The following NDUFA10 variants were observed in gnomAD, a reference collection of about 807,000 sequenced individuals.
NDUFA10 encodes the protein NADH:ubiquinone oxidoreductase subunit A10.
A neutral mutation model predicts 47.8 loss-of-function variants in NDUFA10; 40 were observed. The observed-to-expected ratio is 0.84, with a 90% CI of 0.65 to 1.09. The LOEUF is 1.09. Ranked by LOEUF, NDUFA10 falls within the 50% of genes least tolerant of loss-of-function variation. NDUFA10 has a pLI of 0.00. For missense variants in NDUFA10, 413 were observed against 451.1 expected (o/e 0.92, Z 0.76); for synonymous variants, 183 against 172.2 (o/e 1.06, Z -0.49).
intron 9 of NDUFA10, among the ~76,000 whole-genome samples, chr2:239,965,593 G>A (rs557272337): frequency 2.0e-5 from 3 of 152,286 alleles, no homozygotes; most frequent in East Asian, 1.9e-4. Flanking sequence ...CACGGTGCCC[G>A]GGTGCGTGAC....
At chr2:239,990,822 A>G (rs1696214836) in intron 8 of NDUFA10, among the ~76,000 whole-genome samples, 2 of 152,210 alleles carry the variant, frequency 1.3e-5, no homozygotes, top group Admixed American at 1.3e-4. Context: ...ATACTTTGTT[A>G]CAATTTGCTT....
At chr2:239,932,610 C>T (rs11695542) in intron 4 of NDUFA10, among the ~76,000 whole-genome samples, 20,094 of 151,498 alleles carry the variant, frequency 0.13, 1,400 homozygotes, top group South Asian at 0.15. Flanking sequence ...GACGGAGTCT[C>T]GCTCTGTCGC....
intron 4 of NDUFA10, among the ~76,000 whole-genome samples, chr2:239,911,538 G>A (rs1008880639): frequency 1.3e-5 from 2 of 152,146 alleles, no homozygotes; most frequent in African/African-American, 2.4e-5. Context: ...GCCTTCCACT[G>A]GTTACTTCCT....
At chr2:239,946,696 C>T (rs952439433) in intron 4 of NDUFA10, among the ~76,000 whole-genome samples, 4 of 152,322 alleles carry the variant, frequency 2.6e-5, no homozygotes, top group South Asian at 4.1e-4. Flanking sequence ...GAGGCAGGAC[C>T]GAGGTTTTGT....
At chr2:239,904,482 T>A (rs939374607) in intron 4 of NDUFA10, among the ~76,000 whole-genome samples, 1 of 151,782 alleles carries the variant, frequency 6.6e-6, no homozygotes, top group Non-Finnish European at 1.5e-5. Flanking sequence ...TTTAGTAGAG[T>A]TGGGGTTTCG....
At chr2:239,922,579 A>G (rs1248243680) in intron 4 of NDUFA10, among the ~76,000 whole-genome samples, 1 of 152,228 alleles carries the variant, frequency 6.6e-6, no homozygotes, top group Non-Finnish European at 1.5e-5. Context: ...CACCTGGGAA[A>G]AATCAGAGGC....
At chr2:239,939,478 T>C (rs1367940441) in intron 4 of NDUFA10, among the ~76,000 whole-genome samples, 1 of 152,264 alleles carries the variant, frequency 6.6e-6, no homozygotes, top group African/African-American at 2.4e-5. Flanking sequence ...GTGTCTGCCA[T>C]TGCTGAAGGC....
intron 4 of NDUFA10, among the ~76,000 whole-genome samples, chr2:239,909,140 T>G (rs577824678): frequency 2.0e-5 from 3 of 152,154 alleles, no homozygotes; most frequent in Non-Finnish European, 2.9e-5. Context: ...AGGCTGCTTC[T>G]GAGAAAGTCC....
At chr2:239,946,021 C>T (rs368428103) in intron 4 of NDUFA10, among the ~76,000 whole-genome samples, 2 of 152,224 alleles carry the variant, frequency 1.3e-5, no homozygotes, top group South Asian at 2.1e-4. Flanking sequence ...CCAGGGATTC[C>T]GTTCTGAACA....
chr2:240,001,335 ACAAT>A (rs1316600007), intron 8 of NDUFA10, among the ~76,000 whole-genome samples: 1 of 152,264 alleles, frequency 6.6e-6, no homozygotes, highest in African/African-American at 2.4e-5. Flanking sequence ...TCATGCATCT[ACAAT>A]CAGAGTATAA....
intron 4 of NDUFA10, among the ~76,000 whole-genome samples, chr2:239,924,911 A>T (rs1363253901): frequency 1.3e-5 from 2 of 152,170 alleles, no homozygotes; most frequent in Non-Finnish European, 2.9e-5. Flanking sequence ...TCTGTATAAT[A>T]GCAATGAGCC....
intron 9 of NDUFA10, among the ~76,000 whole-genome samples, chr2:239,976,753 G>T (rs1025460200): frequency 6.6e-6 from 1 of 152,164 alleles, no homozygotes. Context: ...AGCAGAAGGC[G>T]AGGCGACTCC....
chr2:239,984,227 G>A (rs1458061058), intron 9 of NDUFA10, among the ~76,000 whole-genome samples: 2 of 87,272 alleles, frequency 2.3e-5, no homozygotes, highest in African/African-American at 9.6e-5. Context: ...AGTGACAATC[G>A]GTTTCCAAAA....
At chr2:239,898,318 C>T (rs556210699) in intron 4 of NDUFA10, among the ~76,000 whole-genome samples, 11 of 152,368 alleles carry the variant, frequency 7.2e-5, no homozygotes, top group South Asian at 2.1e-4. Flanking sequence ...TCCCTTACAG[C>T]ACTCAGGAGG....
At chr2:239,965,778 C>T (rs770991723) in intron 9 of NDUFA10, among the ~76,000 whole-genome samples, 4 of 152,218 alleles carry the variant, frequency 2.6e-5, no homozygotes, top group Non-Finnish European at 4.4e-5. Flanking sequence ...ACCAAGAATC[C>T]TTAAGGAGCA....
At chr2:239,925,856 C>T (rs1015491750) in intron 4 of NDUFA10, among the ~76,000 whole-genome samples, 1 of 152,148 alleles carries the variant, frequency 6.6e-6, no homozygotes, top group South Asian at 2.1e-4. Context: ...AAGACATGAA[C>T]AGATATTTCA....
intron 4 of NDUFA10, among the ~76,000 whole-genome samples, chr2:239,949,670 A>G (rs1317972905): frequency 6.6e-6 from 1 of 151,982 alleles, no homozygotes; most frequent in African/African-American, 2.4e-5. Context: ...TTTTGAAGAG[A>G]CAAGGCCTCA....
chr2:239,955,886 G>A (rs1159296027), downstream of NDUFA10, among the ~76,000 whole-genome samples: 1 of 152,176 alleles, frequency 6.6e-6, no homozygotes, highest in Non-Finnish European at 1.5e-5. Context: ...AGAGACCAAA[G>A]TGGGGCAGGG....
chr2:239,947,532 C>T (rs1433228566), intron 4 of NDUFA10, among the ~76,000 whole-genome samples: 1 of 152,190 alleles, frequency 6.6e-6, no homozygotes, highest in Non-Finnish European at 1.5e-5. Flanking sequence ...CAGTAAGCCC[C>T]GCCCTCTCTG....
Sources: allele counts gnomAD v4.1 joint callset (sites outside exome capture counted in the v4.1 genomes callset), GRCh38; gene constraint gnomAD v4.1.1; transcripts MANE v1.5; gene names NCBI Gene and HGNC (gene_info 2026-07-23, HGNC 2026-07-21).